The following EPHA6 variants were observed in gnomAD, a reference collection of about 807,000 sequenced individuals.
EPHA6 encodes the protein ephrin type-A receptor 6.
Under a neutral mutation model 112.0 loss-of-function variants are expected in EPHA6, and 50 were observed. The observed-to-expected ratio is 0.45, with a 90% CI of 0.36 to 0.56. The LOEUF is 0.56. Ranked by LOEUF, EPHA6 falls within the 20% of genes least tolerant of loss-of-function variation. EPHA6 has a pLI of 0.00. For missense variants in EPHA6, 1,280 were observed against 1,417.4 expected (o/e 0.90, Z 1.56); for synonymous variants, 529 against 490.7 (o/e 1.08, Z -1.03).
chr3:97,196,001 T>G (rs1026734332), intron 3 of EPHA6, among the ~76,000 whole-genome samples: 1 of 152,018 alleles, frequency 6.6e-6, no homozygotes, highest in African/African-American at 2.4e-5. Flanking sequence ...TTCTATACCC[T>G]TCTTGTGTAT....
intron 10 of EPHA6, among the ~76,000 whole-genome samples, chr3:97,525,824 G>C (rs946183189): frequency 6.6e-6 from 1 of 152,156 alleles, no homozygotes; most frequent in Non-Finnish European, 1.5e-5. Flanking sequence ...AGACTGAACT[G>C]TCTCCAGATC....
At chr3:97,694,070 G>C (rs1456385659) in intron 14 of EPHA6, among the ~76,000 whole-genome samples, 1 of 151,826 alleles carries the variant, frequency 6.6e-6, no homozygotes, top group Admixed American at 6.6e-5. Flanking sequence ...ATCACAAATG[G>C]TCCCCTATTA....
In EPHA6 at chr3:97,016,944, C is replaced by T. The variant is rs551955587; in HGVS notation, c.1114+28951C>T. ...GTAGTAGAGCATTGTTTGGATATAC[C>T]ACTAGTTGTTTATCCATTCATTTGC... On this transcript the variant is annotated intron_variant, in intron 3 of 17. Transcript: ENST00000389672. Among the ~76,000 whole-genome samples, 8 of 152,100 alleles carry T rather than the reference C, an allele frequency of 5.3e-5. No homozygotes were observed. In the South Asian group the frequency reaches 1.7e-3, roughly 32 times the overall value.
chr3:97,328,120 A>G (rs188927639), intron 5 of EPHA6, among the ~76,000 whole-genome samples: 149 of 146,400 alleles, frequency 1.0e-3, no homozygotes, highest in Admixed American at 1.7e-3. Flanking sequence ...TGTCTTGGCT[A>G]TTTCCATTTG....
chr3:97,631,752 A>C (rs2093904629), intron 13 of EPHA6, among the ~76,000 whole-genome samples: 1 of 151,940 alleles, frequency 6.6e-6, no homozygotes, highest in South Asian at 2.1e-4. Flanking sequence ...ATTCTCCTCA[A>C]GAATAGCAGC....
chr3:97,723,074 A>C (rs2034604672), intron 15 of EPHA6, among the ~76,000 whole-genome samples: 1 of 152,130 alleles, frequency 6.6e-6, no homozygotes, highest in African/African-American at 2.4e-5. Flanking sequence ...TATTTATTAT[A>C]TTTTTCTCAG....
intron 5 of EPHA6, among the ~76,000 whole-genome samples, chr3:97,299,332 T>C (rs2081001873): frequency 6.6e-6 from 1 of 152,014 alleles, no homozygotes; most frequent in African/African-American, 2.4e-5. Context: ...TTCTTAATCA[T>C]TTAGGTAAAC....
rs1180523518 is a variant in EPHA6 at position 96,814,738 on chromosome 3, G to C, written c.115G>C (p.Gly39Arg). 6.3e-7 allele frequency: 1 copy of C among 1,587,426 alleles called. No homozygotes were observed. The highest frequency in any genetic ancestry group is 1.1e-5 in the South Asian group (1 of 88,394). ...GCCTGGACCCTCGTGCCCTGTTCCCGGGACCTCGCGCAGGGGGCGCCCCGG... is the reference window on the plus strand; with the variant it reads ...GCCTGGACCCTCGTGCCCTGTTCCCCGGACCTCGCGCAGGGGGCGCCCCGG... ...GQPGPSCPVPGTSRRGRPGTP... is the reference protein window; with the variant it reads ...GQPGPSCPVPRTSRRGRPGTP... The change falls in exon 1 of 18, where the codon GGG becomes CGG. Residue 39 changes from glycine to arginine, a missense_variant. Physicochemically the swap from Gly to Arg is moderately radical, Grantham distance 125. Around this residue, in one of 4 missense-constraint regions of EPHA6, gnomAD observed 220 missense variants for 171.5 expected, o/e 1.28. Transcript: ENST00000389672.
intron 3 of EPHA6, among the ~76,000 whole-genome samples, chr3:97,121,408 A>G (rs534300731): frequency 1.3e-5 from 2 of 152,174 alleles, no homozygotes; most frequent in East Asian, 3.9e-4. Context: ...ATGTAGGTGG[A>G]AGTTTTATTT....
At chr3:96,845,428 T>G (rs952504482) in intron 1 of EPHA6, among the ~76,000 whole-genome samples, 10 of 152,066 alleles carry the variant, frequency 6.6e-5, no homozygotes, top group African/African-American at 2.4e-4. Flanking sequence ...AGAAATGCAA[T>G]AAAGTCCTCA....
chr3:97,340,037 AT>A (rs113522948), intron 5 of EPHA6, among the ~76,000 whole-genome samples: 3 of 152,128 alleles, frequency 2.0e-5, no homozygotes, highest in African/African-American at 7.2e-5. Flanking sequence ...TAACCTAAAT[AT>A]TTTTTCCAGA....
chr3:97,555,443 C>T (rs1018534764), intron 11 of EPHA6, among the ~76,000 whole-genome samples: 6 of 151,952 alleles, frequency 3.9e-5, no homozygotes, highest in Non-Finnish European at 8.8e-5. Flanking sequence ...GGGTATATAC[C>T]TAGTAATGGG....
At chr3:97,086,458 TTAA>T (rs1261121065) in intron 3 of EPHA6, among the ~76,000 whole-genome samples, 1 of 152,098 alleles carries the variant, frequency 6.6e-6, no homozygotes, top group Non-Finnish European at 1.5e-5. Context: ...AACAGAAATA[TTAA>T]ATATATTTCA....
At chr3:97,244,573 A>G (rs1318885667) in intron 5 of EPHA6, 1 of 393,506 alleles carries the variant, frequency 2.5e-6, no homozygotes, top group Non-Finnish European at 4.5e-6. Context: ...GTAAGTCCAT[A>G]TTACTTACCA....
chr3:96,898,048 A>G (rs2038379277), intron 2 of EPHA6, among the ~76,000 whole-genome samples: 1 of 152,182 alleles, frequency 6.6e-6, no homozygotes, highest in South Asian at 2.1e-4. Context: ...TATTGATTTT[A>G]TAATATTTGC....
intron 5 of EPHA6, among the ~76,000 whole-genome samples, chr3:97,286,493 G>T (rs1280528832): frequency 6.6e-6 from 1 of 152,138 alleles, no homozygotes; most frequent in Non-Finnish European, 1.5e-5. Context: ...TAAAGAAGCT[G>T]TCTTTTCCCC....
At chr3:97,579,023 G>A in intron 11 of EPHA6, among the ~76,000 whole-genome samples, 1 of 151,980 alleles carries the variant, frequency 6.6e-6, no homozygotes, top group East Asian at 1.9e-4. Context: ...TTCTCGACAA[G>A]CCTGTTCCAC....
intron 3 of EPHA6, among the ~76,000 whole-genome samples, chr3:97,213,105 C>T (rs771062875): frequency 6.6e-6 from 1 of 152,138 alleles, no homozygotes; most frequent in Non-Finnish European, 1.5e-5. Context: ...AGTTCATAAA[C>T]AAGTTTATGG....
At chr3:97,082,686 C>G (rs1055819110) in intron 3 of EPHA6, among the ~76,000 whole-genome samples, 1 of 151,836 alleles carries the variant, frequency 6.6e-6, no homozygotes, top group South Asian at 2.1e-4. Flanking sequence ...CTGCCAGTCT[C>G]TTAGAAGAAT....
Sources: allele counts gnomAD v4.1 joint callset (sites outside exome capture counted in the v4.1 genomes callset), GRCh38; gene constraint gnomAD v4.1.1; regional missense constraint gnomAD v4.1.1; transcripts MANE v1.5; gene names NCBI Gene and HGNC (gene_info 2026-07-23, HGNC 2026-07-21).